CTNND2: variants seen among roughly 807,000 people sequenced by gnomAD.
CTNND2 encodes the protein catenin delta-2.
Under a neutral mutation model 144.4 loss-of-function variants are expected in CTNND2, and 22 were observed. That is an observed-to-expected ratio of 0.15 (90% confidence interval 0.11 to 0.22). The LOEUF is 0.22. Among genes scored for constraint, CTNND2 ranks in the 10% least tolerant of loss-of-function variants. CTNND2 has a pLI of 1.00. For missense variants in CTNND2, 1,353 were observed against 1,618.8 expected, an observed-to-expected ratio of 0.84 and a Z score of 2.82; for synonymous variants, 751 against 695.6, an observed-to-expected ratio of 1.08 and a Z score of -1.25.
intron 3 of CTNND2, among the ~76,000 whole-genome samples, chr5:11,499,946 T>C (rs1351436855): frequency 6.6e-6 from 1 of 152,160 alleles, no homozygotes; most frequent in Non-Finnish European, 1.5e-5. Context: ...CTTCATCCCA[T>C]GCATGCCCTA....
chr5:11,210,312 CA>C lies in CTNND2; in HGVS notation c.1762-10652del, dbSNP rs1487892475. Among the ~76,000 whole-genome samples the C allele has an allele frequency of 2.4e-4, 37 of 152,090 alleles. 1 individual carries two copies. The highest frequency in any genetic ancestry group is 1.5e-5 in the Non-Finnish European group (1 of 68,006). On this transcript the variant is annotated intron_variant, in intron 10 of 21. Coordinates refer to ENST00000304623, the MANE Select transcript of CTNND2 (RefSeq NM_001332.4). ...ACTCAGGAGGCTGAGGAATGGGGAT[CA>C]TTTGAGCCCAGGGGGCAGAGGCTGC...
chr5:11,685,989 T>G (rs1353800566), intron 2 of CTNND2, among the ~76,000 whole-genome samples: 3 of 152,168 alleles, frequency 2.0e-5, no homozygotes, highest in Non-Finnish European at 4.4e-5. Flanking sequence ...CCAATAGCTT[T>G]GAGCTCAGGA....
At position 11,330,802 on chromosome 5, in the gene CTNND2, A is replaced by T. The variant is rs2149715333; in HGVS notation, c.1628+15570T>A. Among the ~76,000 whole-genome samples the T allele has an allele frequency of 1.3e-5, 2 of 149,720 alleles. 1 individual carries two copies. Among genetic ancestry groups the T allele is most frequent in the South Asian group, 4.3e-4 (2 of 4,684 alleles). ...TGTATCAAAAAAAAAAAAAAAAAAT[A>T]GAAAGAGTTCAGCTAACTTATACAG... is the stretch of plus-strand genomic sequence containing the variant. On this transcript the variant is annotated intron_variant, in intron 9 of 21. Coordinates refer to ENST00000304623, the MANE Select transcript of CTNND2 (RefSeq NM_001332.4).
At chr5:11,895,185 G>A (rs115219206) in intron 1 of CTNND2, among the ~76,000 whole-genome samples, 210 of 152,216 alleles carry the variant, frequency 1.4e-3, no homozygotes, top group African/African-American at 4.9e-3. Context: ...TGTGAGCCCC[G>A]GACTGCCACA....
intron 3 of CTNND2, among the ~76,000 whole-genome samples, chr5:11,466,856 A>C (rs938824385): frequency 2.6e-5 from 4 of 152,204 alleles, no homozygotes; most frequent in African/African-American, 9.6e-5. Context: ...ACGATGTTCT[A>C]TGTGATGGTC....
chr5:11,891,862 A>C (rs561942573), intron 1 of CTNND2, among the ~76,000 whole-genome samples: 1 of 152,358 alleles, frequency 6.6e-6, no homozygotes, highest in African/African-American at 2.4e-5. Context: ...ACATTGGACA[A>C]GTTTTTCTGA....
At chr5:11,373,564 A>T (rs9312765) in intron 7 of CTNND2, among the ~76,000 whole-genome samples, 11,817 of 152,178 alleles carry the variant, frequency 0.078, 911 homozygotes, top group African/African-American at 0.18. Context: ...GAGACTTTTT[A>T]AAAGAGGAAT....
chr5:11,388,772 C>A (rs1204929703), intron 6 of CTNND2, among the ~76,000 whole-genome samples: 2 of 152,314 alleles, frequency 1.3e-5, no homozygotes, highest in East Asian at 3.9e-4. Context: ...TTTATTACTA[C>A]CCATCGTTGC....
chr5:11,678,560 T>TTATTAAGAC (rs1177813889), intron 2 of CTNND2, among the ~76,000 whole-genome samples: 1 of 152,178 alleles, frequency 6.6e-6, no homozygotes, highest in Admixed American at 6.5e-5. Context: ...AAATTAAATG[T>TTATTAAGAC]TATTAAGACG....
intron 16 of CTNND2, among the ~76,000 whole-genome samples, chr5:11,056,359 T>C (rs1722376779): frequency 6.6e-6 from 1 of 152,222 alleles, no homozygotes; most frequent in Admixed American, 6.5e-5. Flanking sequence ...CAAATGGAAA[T>C]GAATCTGGGA....
intron 3 of CTNND2, among the ~76,000 whole-genome samples, chr5:11,563,648 C>T (rs1776846916): frequency 6.6e-6 from 1 of 151,994 alleles, no homozygotes; most frequent in Non-Finnish European, 1.5e-5. Flanking sequence ...CAGATGCTTT[C>T]ACATATCCTA....
chr5:11,566,139 C>T (rs1416375930), intron 2 of CTNND2, among the ~76,000 whole-genome samples: 1 of 151,982 alleles, frequency 6.6e-6, no homozygotes, highest in African/African-American at 2.4e-5. Context: ...TGGTGTGTCC[C>T]CTATATACAT....
intron 11 of CTNND2, among the ~76,000 whole-genome samples, chr5:11,161,251 T>C (rs973962872): frequency 2.0e-5 from 3 of 152,198 alleles, no homozygotes; most frequent in African/African-American, 7.2e-5. Context: ...CCACAAACCA[T>C]AAACAATTTA....
chr5:11,098,828 C>T (rs781562243), intron 14 of CTNND2, 80 bp from the exon 15 acceptor site: 83 of 1,378,252 alleles, frequency 6.0e-5, no homozygotes, highest in African/African-American at 1.7e-4. Context: ...ACATTACAGG[C>T]GAAAACAAAA....
chr5:11,195,203 G>T (rs1736733219), intron 11 of CTNND2, among the ~76,000 whole-genome samples: 1 of 151,884 alleles, frequency 6.6e-6, no homozygotes, highest in Non-Finnish European at 1.5e-5. Context: ...TATCACAAGA[G>T]AATTTAATAG....
intron 9 of CTNND2, among the ~76,000 whole-genome samples, chr5:11,284,267 T>G (rs1376558776): frequency 6.6e-6 from 1 of 152,100 alleles, no homozygotes; most frequent in Non-Finnish European, 1.5e-5. Flanking sequence ...ATCTCATTAT[T>G]TTTTTATTTT....
At chr5:11,421,084 G>C (rs1055025898) in intron 3 of CTNND2, among the ~76,000 whole-genome samples, 4 of 152,030 alleles carry the variant, frequency 2.6e-5, no homozygotes, top group African/African-American at 9.7e-5. Context: ...AACCAATATA[G>C]CAGCTCGTCT....
intron 3 of CTNND2, among the ~76,000 whole-genome samples, chr5:11,441,358 C>T (rs979758893): frequency 1.4e-5 from 2 of 146,726 alleles, no homozygotes; most frequent in African/African-American, 5.1e-5. Flanking sequence ...GTTCAATTCT[C>T]CAATGTGGGA....
chr5:11,537,277 G>A (rs3891675), intron 3 of CTNND2, among the ~76,000 whole-genome samples: 99,171 of 152,004 alleles, frequency 0.65, 32,533 homozygotes, highest in Admixed American at 0.71. Flanking sequence ...TGACCCAAGC[G>A]TCTTCAATGT....
Sources: allele counts gnomAD v4.1 joint callset (sites outside exome capture counted in the v4.1 genomes callset), GRCh38; gene constraint gnomAD v4.1.1; transcripts MANE v1.5; gene names NCBI Gene and HGNC (gene_info 2026-07-23, HGNC 2026-07-21).